MAP3K5: variants seen among roughly 807,000 people sequenced by gnomAD.
MAP3K5 encodes ASK-1.
A neutral mutation model predicts 158.7 loss-of-function variants in MAP3K5; 56 were observed. That is an observed-to-expected ratio of 0.35 (90% CI 0.28 to 0.44). MAP3K5 has a LOEUF of 0.44. Among genes scored for constraint, MAP3K5 ranks in the 20% least tolerant of loss-of-function variants. The probability of loss-of-function intolerance (pLI) is 1.00; values close to 1 mark genes in which losing one functional copy is unlikely to be tolerated. For missense variants in MAP3K5, 1,294 were observed against 1,674.8 expected (o/e 0.77, Z 3.97); for synonymous variants, 579 against 601.7 (o/e 0.96, Z 0.55).
intron 6 of MAP3K5, among the ~76,000 whole-genome samples, chr6:136,695,700 CTT>C (rs915981125): frequency 7.2e-5 from 11 of 152,078 alleles, no homozygotes; most frequent in African/African-American, 2.7e-4. Flanking sequence ...CAAATACAAA[CTT>C]TGACAGAGCA....
chr6:136,675,029 A>G (rs1381205607), intron 7 of MAP3K5, among the ~76,000 whole-genome samples: 1 of 152,028 alleles, frequency 6.6e-6, no homozygotes, highest in Non-Finnish European at 1.5e-5. Flanking sequence ...CAAATATTAA[A>G]TAAATGTTAT....
At chr6:136,635,890 A>C (rs1007619237) in intron 14 of MAP3K5, among the ~76,000 whole-genome samples, 1 of 152,134 alleles carries the variant, frequency 6.6e-6, no homozygotes. Flanking sequence ...GCCGGTCTCA[A>C]AAAACAAACA....
chr6:136,630,242 C>T (rs187914080), intron 14 of MAP3K5: 1 of 152,478 alleles, frequency 6.6e-6, no homozygotes, highest in Non-Finnish European at 1.5e-5. Context: ...TAACCTGAGT[C>T]TACAGCTATA....
chr6:136,637,691 G>A (rs1345971564), intron 13 of MAP3K5, among the ~76,000 whole-genome samples: 1 of 151,018 alleles, frequency 6.6e-6, no homozygotes, highest in Non-Finnish European at 1.5e-5. Context: ...GACCATTTCA[G>A]AGACAAGCAA....
chr6:136,682,876 A>C (rs1779992524), intron 7 of MAP3K5, among the ~76,000 whole-genome samples: 2 of 152,186 alleles, frequency 1.3e-5, no homozygotes, highest in South Asian at 4.1e-4. Flanking sequence ...CTGTGTAAAA[A>C]TTATGCAGAC....
chr6:136,670,829 C>A (rs973069416), intron 7 of MAP3K5, among the ~76,000 whole-genome samples: 1 of 151,976 alleles, frequency 6.6e-6, no homozygotes, highest in Admixed American at 6.6e-5. Flanking sequence ...TAGTTATGTA[C>A]CTATGGAATA....
chr6:136,720,177 C>T (rs994053249), intron 2 of MAP3K5, among the ~76,000 whole-genome samples: 13 of 152,274 alleles, frequency 8.5e-5, no homozygotes, highest in East Asian at 1.9e-4. Context: ...CCCTTCTCCA[C>T]GTCGGCGCTA....
At chr6:136,657,344 T>C (rs771071172) in intron 9 of MAP3K5, among the ~76,000 whole-genome samples, 2 of 152,200 alleles carry the variant, frequency 1.3e-5, no homozygotes, top group South Asian at 2.1e-4. Context: ...CCATAAAAAT[T>C]AAGTTAGTGG....
rs1387958980 is a variant in MAP3K5, at chr6:136,669,415, T to C, written c.1254-20A>G. 4 of 1,393,902 alleles carry C rather than the reference T, an allele frequency of 2.9e-6. No homozygotes were observed. The highest frequency in any genetic ancestry group is 2.3e-5 in the East Asian group (1 of 43,868). The allele number at this position is 1,393,902 out of a possible 1,614,324, so 86.3% of individuals were successfully genotyped here. A position where few individuals can be genotyped will look rare whatever the true frequency, so the allele number is the denominator to read the frequency against. ...TTGAACCTATAAAAAACCACAAATGTACAAGTTAACTTTCTCAATCATGAA... is the reference window on the plus strand; with the variant it reads ...TTGAACCTATAAAAAACCACAAATGCACAAGTTAACTTTCTCAATCATGAA... On this transcript the variant is annotated intron_variant, in intron 7 of 29. Coordinates refer to ENST00000359015, the MANE Select transcript of MAP3K5 (RefSeq NM_005923.4).
chr6:136,713,986 T>C (rs1411713097), intron 2 of MAP3K5, among the ~76,000 whole-genome samples: 1 of 152,218 alleles, frequency 6.6e-6, no homozygotes, highest in Non-Finnish European at 1.5e-5. Flanking sequence ...TTGATGATTT[T>C]TAAAATGCTG....
chr6:136,730,161 T>G (rs988880997), intron 1 of MAP3K5, among the ~76,000 whole-genome samples: 1 of 139,208 alleles, frequency 7.2e-6, no homozygotes, highest in East Asian at 2.0e-4. Flanking sequence ...TTGTTTTTTT[T>G]TTTTTGTTTT....
In MAP3K5 at chr6:136,580,290, AT is replaced by A; in HGVS notation, c.3517+10del. 1 of 1,566,398 alleles carries A rather than the reference AT, an allele frequency of 6.4e-7. No homozygotes were observed. Among genetic ancestry groups the A allele is most frequent in the Non-Finnish European group, 8.8e-7 (1 of 1,136,724 alleles). ...CACTAAATATGTGCAGAGTAATTAA[AT>A]ATCTCTGACCTGGAACCAGGATGGT... is the stretch of plus-strand genomic sequence containing the variant. On this transcript the variant is annotated intron_variant, in intron 25 of 29. Coordinates refer to ENST00000359015, the MANE Select transcript of MAP3K5 (RefSeq NM_005923.4).
chr6:136,737,033 GTGTGTATATA>G (rs1162638929), intron 1 of MAP3K5, among the ~76,000 whole-genome samples: 1 of 112,018 alleles, frequency 8.9e-6, no homozygotes, highest in South Asian at 2.5e-4. Context: ...ATATATATGT[GTGTGTATATA>G]TATATATATA....
At chr6:136,587,175 T>C (rs1389240559) in intron 23 of MAP3K5, among the ~76,000 whole-genome samples, 2 of 152,198 alleles carry the variant, frequency 1.3e-5, no homozygotes, top group East Asian at 3.8e-4. Context: ...AGGCTTTTCA[T>C]GGTTTAAGGG....
At chr6:136,780,877 T>C (rs1041332555) in intron 1 of MAP3K5, among the ~76,000 whole-genome samples, 5 of 152,100 alleles carry the variant, frequency 3.3e-5, no homozygotes, top group Admixed American at 6.6e-5. Flanking sequence ...TCGTTCCTCC[T>C]GACTGCTTCC....
At chr6:136,769,491 G>T (rs1304715194) in intron 1 of MAP3K5, among the ~76,000 whole-genome samples, 1 of 151,710 alleles carries the variant, frequency 6.6e-6, no homozygotes, top group East Asian at 2.0e-4. Context: ...CTTTAAAATG[G>T]TTACTTTTAT....
In MAP3K5 at chr6:136,592,433, T is replaced by C; in HGVS notation, c.3056+4A>G. 6.2e-7 allele frequency: 1 copy of C among 1,613,760 alleles called. No individual in the cohort carries two copies. Among genetic ancestry groups the C allele is most frequent in the Non-Finnish European group, 8.5e-7 (1 of 1,179,824 alleles). On this transcript the variant is annotated splice_donor_region_variant and intron_variant, in intron 22 of 29. Transcript: ENST00000359015. ...CTCTCACCCCAAGTAAGTCAGGTCTTTACCCCAAAAAGAGTGTCCGAATTC... is the reference window on the plus strand; with the variant it reads ...CTCTCACCCCAAGTAAGTCAGGTCTCTACCCCAAAAAGAGTGTCCGAATTC...
chr6:136,739,945 T>C (rs1409688737), intron 1 of MAP3K5, among the ~76,000 whole-genome samples: 1 of 152,212 alleles, frequency 6.6e-6, no homozygotes, highest in African/African-American at 2.4e-5. Flanking sequence ...AGCAGGGGCC[T>C]GTAGCTGCCA....
chr6:136,579,456 G>A (rs1272525330), intron 25 of MAP3K5, among the ~76,000 whole-genome samples: 1 of 152,182 alleles, frequency 6.6e-6, no homozygotes, highest in East Asian at 1.9e-4. Flanking sequence ...GCTACTCATC[G>A]ACATGACCTG....
Sources: gnomAD v4.1 joint callset for allele counts (sites outside exome capture counted in the v4.1 genomes callset) on GRCh38, gnomAD v4.1.1 for gene constraint, MANE v1.5 for transcripts, NCBI Gene and HGNC (gene_info 2026-07-23, HGNC 2026-07-21) for gene names.